GALNT13: variants seen among roughly 807,000 people sequenced by gnomAD.
GALNT13 encodes UDP-GalNAc:polypeptide N-acetylgalactosaminyltransferase 13.
A neutral mutation model predicts 64.2 loss-of-function variants in GALNT13; 28 were observed. The observed-to-expected ratio is 0.44, with a 90% CI of 0.32 to 0.60. The LOEUF (loss-of-function observed/expected upper bound fraction) is 0.60. Among genes scored for constraint, GALNT13 ranks in the 20% least tolerant of loss-of-function variants. The pLI, the probability that GALNT13 is intolerant of heterozygous loss-of-function variation, is 0.05. For missense variants in GALNT13, 577 were observed against 669.8 expected (o/e 0.86, Z 1.53); for synonymous variants, 214 against 224.6 (o/e 0.95, Z 0.42).
At chr2:154,135,392 A>T (rs764493084) in intron 3 of GALNT13, among the ~76,000 whole-genome samples, 1 of 152,194 alleles carries the variant, frequency 6.6e-6, no homozygotes, top group Non-Finnish European at 1.5e-5. Context: ...TAGCTAATAT[A>T]TGCTAGACTT....
chr2:153,979,095 A>G (rs1480532399), intron 3 of GALNT13, among the ~76,000 whole-genome samples: 4 of 152,168 alleles, frequency 2.6e-5, no homozygotes, highest in South Asian at 2.1e-4. Flanking sequence ...GTTAATAACA[A>G]TAGTTATTAT....
intron 3 of GALNT13, among the ~76,000 whole-genome samples, chr2:154,061,109 A>G (rs1700158179): frequency 6.6e-6 from 1 of 152,176 alleles, no homozygotes; most frequent in African/African-American, 2.4e-5. Flanking sequence ...TAAGAATATT[A>G]CAAAGAATAT....
intron 2 of GALNT13, among the ~76,000 whole-genome samples, chr2:153,904,953 A>G (rs1009444595): frequency 1.3e-5 from 2 of 151,828 alleles, no homozygotes; most frequent in Non-Finnish European, 2.9e-5. Flanking sequence ...TATAAATTAA[A>G]TTTCTATATA....
chr2:153,281,872 T>C, the GALNT13 span, among the ~76,000 whole-genome samples: 74,713 of 149,924 alleles, frequency 0.5, 19,551 homozygotes, highest in African/African-American at 0.66. Context: ...GACTATATGT[T>C]TTGGTGATCT....
the GALNT13 span, among the ~76,000 whole-genome samples, chr2:153,727,958 T>A: frequency 6.6e-6 from 1 of 152,206 alleles, no homozygotes; most frequent in Non-Finnish European, 1.5e-5. Flanking sequence ...TGTGTTTGCA[T>A]TGTTCAGCTC....
intron 3 of GALNT13, among the ~76,000 whole-genome samples, chr2:153,955,548 G>T (rs1692505728): frequency 6.6e-6 from 1 of 152,144 alleles, no homozygotes; most frequent in Non-Finnish European, 1.5e-5. Context: ...TCAGGAGAAA[G>T]ATTTTAAAGG....
the GALNT13 span, among the ~76,000 whole-genome samples, chr2:153,737,052 C>T: frequency 5.9e-5 from 9 of 152,196 alleles, no homozygotes; most frequent in Non-Finnish European, 1.0e-4. Context: ...ATCGGGCTGG[C>T]ACACATATCC....
chr2:153,864,707 T>C, the GALNT13 span, among the ~76,000 whole-genome samples: 2 of 151,394 alleles, frequency 1.3e-5, no homozygotes, highest in East Asian at 3.9e-4. Flanking sequence ...GTAGGAAGAA[T>C]CAATATCGTG....
intron 4 of GALNT13, among the ~76,000 whole-genome samples, chr2:154,239,065 C>A (rs1689343401): frequency 6.6e-6 from 1 of 151,954 alleles, no homozygotes; most frequent in African/African-American, 2.4e-5. Context: ...TAAATAATGA[C>A]AGTGGAAGTT....
intron 3 of GALNT13, among the ~76,000 whole-genome samples, chr2:154,017,194 T>A (rs1697068421): frequency 6.6e-6 from 1 of 152,190 alleles, no homozygotes; most frequent in African/African-American, 2.4e-5. Context: ...AATTTTTCAT[T>A]CTCTTTAGTC....
chr2:154,253,825 T>C (rs775588861), intron 7 of GALNT13, among the ~76,000 whole-genome samples: 3 of 152,240 alleles, frequency 2.0e-5, no homozygotes, highest in Non-Finnish European at 4.4e-5. Flanking sequence ...TCTGTGGCTA[T>C]AGAGATACAT....
chr2:153,141,176 A>C, the GALNT13 span, among the ~76,000 whole-genome samples: 3 of 152,136 alleles, frequency 2.0e-5, no homozygotes, highest in East Asian at 5.8e-4. Flanking sequence ...TTCTAGATTC[A>C]TCCCTGTTGT....
chr2:154,236,142 A>G, intron 4 of GALNT13: 2 of 1,125,592 alleles, frequency 1.8e-6, no homozygotes, highest in Non-Finnish European at 2.2e-6. Flanking sequence ...TGCTTTCGTG[A>G]CAGTAAATAT....
At chr2:153,177,337 A>T in the GALNT13 span, among the ~76,000 whole-genome samples, 4 of 152,140 alleles carry the variant, frequency 2.6e-5, no homozygotes, top group Non-Finnish European at 5.9e-5. Flanking sequence ...TAATTAGAGG[A>T]TATAAAATAG....
chr2:153,308,968 G>A, the GALNT13 span, among the ~76,000 whole-genome samples: 1 of 151,982 alleles, frequency 6.6e-6, no homozygotes, highest in African/African-American at 2.4e-5. Context: ...ATATGTTTGA[G>A]GCTTTGTCCA....
chr2:153,802,800 T>C, the GALNT13 span, among the ~76,000 whole-genome samples: 1 of 152,168 alleles, frequency 6.6e-6, no homozygotes, highest in Non-Finnish European at 1.5e-5. Flanking sequence ...AACCAAAAGC[T>C]CAAAATACCT....
chr2:153,233,543 TTATC>T, the GALNT13 span, among the ~76,000 whole-genome samples: 2 of 152,248 alleles, frequency 1.3e-5, no homozygotes, highest in East Asian at 1.9e-4. Flanking sequence ...TATGATCTAT[TTATC>T]TATCTATTGC....
At chr2:153,837,193 T>C in the GALNT13 span, among the ~76,000 whole-genome samples, 23 of 151,810 alleles carry the variant, frequency 1.5e-4, no homozygotes, top group African/African-American at 2.7e-4. Context: ...TTTTAATGAT[T>C]GCCATTCTAA....
At chr2:153,737,981 G>C in the GALNT13 span, among the ~76,000 whole-genome samples, 1 of 151,920 alleles carries the variant, frequency 6.6e-6, no homozygotes, top group Non-Finnish European at 1.5e-5. Flanking sequence ...ACTTAATATA[G>C]TCTATCTTGT....
Sources: gnomAD v4.1 joint callset for allele counts (sites outside exome capture counted in the v4.1 genomes callset) on GRCh38, gnomAD v4.1.1 for gene constraint, MANE v1.5 for transcripts, NCBI Gene and HGNC (gene_info 2026-07-23, HGNC 2026-07-21) for gene names.